Variants in JAK2 observed in about 807,000 individuals in gnomAD.
The protein encoded by JAK2 is Janus kinase 2.
JAK2 carries 86 observed loss-of-function variants against 139.3 expected under a neutral mutation model. The ratio of observed to expected loss-of-function variants is 0.62; its 90% CI spans 0.52 to 0.74. The LOEUF (loss-of-function observed/expected upper bound fraction) is 0.74, where lower values mean the gene tolerates loss of function less well. Among genes scored for constraint, JAK2 ranks in the 30% least tolerant of loss-of-function variants. The pLI is 0.00. For missense variants in JAK2, 1,421 were observed against 1,360.3 expected, an observed-to-expected ratio of 1.04 and a Z score of -0.70; for synonymous variants, 490 against 437.7, an observed-to-expected ratio of 1.12 and a Z score of -1.49.
At chr9:5,078,986 T>C (rs969626663) in intron 16 of JAK2, among the ~76,000 whole-genome samples, 3 of 152,240 alleles carry the variant, frequency 2.0e-5, no homozygotes, top group African/African-American at 4.8e-5. Context: ...TAGATAATTA[T>C]AACTGAATTT....
intron 22 of JAK2, among the ~76,000 whole-genome samples, chr9:5,118,065 C>T (rs767805346): frequency 6.6e-6 from 1 of 152,094 alleles, no homozygotes; most frequent in African/African-American, 2.4e-5. Flanking sequence ...TATGTCAATC[C>T]TTTAAATGTG....
intron 2 of JAK2, among the ~76,000 whole-genome samples, chr9:5,016,133 C>T (rs1403767024): frequency 6.6e-6 from 1 of 152,148 alleles, no homozygotes; most frequent in Admixed American, 6.5e-5. Context: ...GGAAGGGGAA[C>T]CTCCCGCCAA....
chr9:5,125,018 T>C (rs549098668), intron 23 of JAK2, among the ~76,000 whole-genome samples: 203 of 151,586 alleles, frequency 1.3e-3, no homozygotes, highest in Non-Finnish European at 2.5e-3. Flanking sequence ...AGCTAATTCA[T>C]TCTAGGAATT....
chr9:5,089,959 C>A, intron 20 of JAK2, 96 bp downstream of exon 20: 1 of 776,844 alleles, frequency 1.3e-6, no homozygotes, highest in Non-Finnish European at 1.8e-6. Context: ...TGGACTTATG[C>A]CAATGCCCAG....
chr9:5,090,423 T>G (rs201998465), intron 20 of JAK2, 23 bp from the exon 21 acceptor site: 1 of 1,493,650 alleles, frequency 6.7e-7, no homozygotes, highest in East Asian at 2.3e-5. Flanking sequence ...AGTAAAACAT[T>G]ATTTCCACCT....
intron 2 of JAK2, among the ~76,000 whole-genome samples, chr9:4,998,247 T>C (rs982314301): frequency 1.4e-4 from 21 of 152,054 alleles, no homozygotes; most frequent in Non-Finnish European, 2.4e-4. Context: ...GAAAAAAAAC[T>C]CCAACGGGTT....
At chr9:5,096,459 C>T (rs963526982) in intron 22 of JAK2, among the ~76,000 whole-genome samples, 1 of 152,096 alleles carries the variant, frequency 6.6e-6, no homozygotes, top group African/African-American at 2.4e-5. Flanking sequence ...CAGCTAAATA[C>T]CCTAATCAAC....
At chr9:5,056,877 T>C (rs377343933) in intron 8 of JAK2, among the ~76,000 whole-genome samples, 1 of 152,290 alleles carries the variant, frequency 6.6e-6, no homozygotes, top group South Asian at 2.1e-4. Flanking sequence ...TTAAGTAACT[T>C]TCCAAGGGCA....
chr9:5,029,623 A>G (rs766943910), intron 3 of JAK2, among the ~76,000 whole-genome samples, 160 bp from the exon 4 acceptor site: 50 of 152,336 alleles, frequency 3.3e-4, no homozygotes, highest in Middle Eastern at 3.4e-3. Flanking sequence ...GTGATTAATA[A>G]TTCAGTTGTA....
At chr9:5,041,213 C>T (rs1187441322) in intron 4 of JAK2, 12 of 1,467,186 alleles carry the variant, frequency 8.2e-6, no homozygotes, top group South Asian at 1.2e-5. Context: ...CGAGAACTTC[C>T]TGGTGGGGCG....
chr9:5,123,196 C>A, intron 23 of JAK2, 75 bp downstream of exon 23: 1 of 986,362 alleles, frequency 1.0e-6, no homozygotes, highest in Non-Finnish European at 1.6e-6. Context: ...GGTACAAGTA[C>A]AATTTTGCTA....
chr9:5,052,934 G>A (rs1014017903), intron 6 of JAK2, among the ~76,000 whole-genome samples: 2 of 151,944 alleles, frequency 1.3e-5, no homozygotes, highest in African/African-American at 4.8e-5. Context: ...TTTGGCTATT[G>A]TGACTAATGT....
chr9:5,033,287 G>A (rs964706009), intron 4 of JAK2, among the ~76,000 whole-genome samples: 3 of 152,224 alleles, frequency 2.0e-5, no homozygotes, highest in South Asian at 2.1e-4. Context: ...ACCTGATGGG[G>A]AGAATGGAAC....
chr9:5,033,343 T>C (rs907884480), intron 4 of JAK2, among the ~76,000 whole-genome samples: 6 of 152,162 alleles, frequency 3.9e-5, no homozygotes, highest in African/African-American at 1.2e-4. Context: ...AGAACTTCCC[T>C]AATCTAGCGA....
chr9:5,090,583 C>G lies in JAK2; in HGVS notation c.2886+13C>G, dbSNP rs1029849639. On this transcript the variant is annotated intron_variant, in intron 21 of 24. Coordinates refer to ENST00000381652, the MANE Select transcript of JAK2 (RefSeq NM_004972.4). Reference sequence around the variant, plus strand: ...TCAGATATGCAAGGTAACTAATATCCTGATTATTTGCTGTAGATGAAGCAA... The same window carrying G: ...TCAGATATGCAAGGTAACTAATATCGTGATTATTTGCTGTAGATGAAGCAA... 1 of 1,556,338 alleles carries G rather than the reference C, an allele frequency of 6.4e-7. No individual in the cohort carries two copies. The highest frequency in any genetic ancestry group is 8.7e-7 in the Non-Finnish European group (1 of 1,153,942).
At chr9:5,046,933 G>A (rs1200685529) in intron 5 of JAK2, among the ~76,000 whole-genome samples, 1 of 152,014 alleles carries the variant, frequency 6.6e-6, no homozygotes, top group Non-Finnish European at 1.5e-5. Flanking sequence ...TATTCATTCA[G>A]CTACTTTAGC....
intron 22 of JAK2, among the ~76,000 whole-genome samples, chr9:5,117,673 TAA>T (rs1823302308): frequency 6.6e-6 from 1 of 151,430 alleles, no homozygotes; most frequent in African/African-American, 2.4e-5. Context: ...TTAAATAAAT[TAA>T]TAAATATTTT....
At chr9:5,123,159 G>C in intron 23 of JAK2, 38 bp downstream of exon 23, 1 of 1,380,434 alleles carries the variant, frequency 7.2e-7, no homozygotes, top group Non-Finnish European at 1.0e-6. Context: ...TTTTTTGTTT[G>C]TTCGTTTGAT....
At chr9:5,008,973 A>G (rs1335782118) in intron 2 of JAK2, among the ~76,000 whole-genome samples, 3 of 152,086 alleles carry the variant, frequency 2.0e-5, no homozygotes, top group Non-Finnish European at 2.9e-5. Context: ...CTGTCTTCCA[A>G]ATTATGAGTT....
Sources: gnomAD v4.1 joint callset for allele counts (sites outside exome capture counted in the v4.1 genomes callset) on GRCh38, gnomAD v4.1.1 for gene constraint, MANE v1.5 for transcripts, NCBI Gene and HGNC (gene_info 2026-07-23, HGNC 2026-07-21) for gene names.